The following ERC2 variants were observed in gnomAD, a reference collection of about 807,000 sequenced individuals.
ERC2 encodes the protein ERC protein 2.
In ERC2, 42 loss-of-function variants were observed where a neutral mutation model predicts 114.8. That is an observed-to-expected ratio of 0.37 (90% CI 0.29 to 0.47). ERC2 has a LOEUF of 0.47. Ranked by LOEUF, ERC2 falls within the 20% of genes least tolerant of loss-of-function variation. ERC2 has a pLI of 0.99. For synonymous variants in ERC2, 454 were observed against 425.5 expected (o/e 1.07, Z -0.82); for missense variants, 939 against 1,150.7 (o/e 0.82, Z 2.66).
chr3:55,758,741 T>G (rs1463112216), intron 14 of ERC2, among the ~76,000 whole-genome samples: 3 of 152,178 alleles, frequency 2.0e-5, no homozygotes, highest in Non-Finnish European at 4.4e-5. Flanking sequence ...TTATTACACA[T>G]TAAAAGCCAA....
At chr3:56,203,904 G>A (rs753041422) in intron 3 of ERC2, among the ~76,000 whole-genome samples, 6 of 152,166 alleles carry the variant, frequency 3.9e-5, no homozygotes, top group African/African-American at 1.4e-4. Flanking sequence ...CTAACAGGCC[G>A]GGCCTGGTGG....
At chr3:55,620,135 C>T (rs1378162474) in intron 17 of ERC2, among the ~76,000 whole-genome samples, 2 of 152,132 alleles carry the variant, frequency 1.3e-5, no homozygotes, top group Non-Finnish European at 2.9e-5. Context: ...CATTGACCAG[C>T]GAGTCCCCAG....
chr3:56,348,770 TTAG>T (rs2058408927), intron 2 of ERC2, among the ~76,000 whole-genome samples: 1 of 151,706 alleles, frequency 6.6e-6, no homozygotes, highest in Non-Finnish European at 1.5e-5. Context: ...AAACTATTTA[TTAG>T]TAGCCACCTA....
chr3:55,937,543 G>A lies in ERC2; in HGVS notation c.2403+12882C>T, dbSNP rs561764179. ...TCAAACCTCTCAGAGGGGAAGATAA[G>A]GTGCAGGGAAGGCTGCACCAGATGA... is the stretch of plus-strand genomic sequence containing the variant. On this transcript the variant is annotated intron_variant, in intron 13 of 17. Coordinates refer to ENST00000288221, the MANE Select transcript of ERC2 (RefSeq NM_015576.3). Among the ~76,000 whole-genome samples, 26 of 152,278 alleles carry A rather than the reference G, an allele frequency of 1.7e-4. No homozygotes were observed. The South Asian group carries it at 5.2e-3, about 30-fold the overall frequency.
intron 3 of ERC2, among the ~76,000 whole-genome samples, chr3:56,228,790 C>T (rs1365691744): frequency 6.6e-6 from 1 of 152,146 alleles, no homozygotes; most frequent in African/African-American, 2.4e-5. Flanking sequence ...GTACGTTATG[C>T]ATTTTTAAAA....
chr3:56,368,640 T>C (rs2059244923), intron 2 of ERC2, among the ~76,000 whole-genome samples: 1 of 152,184 alleles, frequency 6.6e-6, no homozygotes, highest in Non-Finnish European at 1.5e-5. Context: ...GGAAGGCCCA[T>C]GTGTTCAGGG....
At chr3:55,756,340 A>G (rs116094205) in intron 14 of ERC2, among the ~76,000 whole-genome samples, 2 of 152,286 alleles carry the variant, frequency 1.3e-5, no homozygotes, top group Non-Finnish European at 2.9e-5. Context: ...TGATGCTAAC[A>G]TGATCTTAGG....
At chr3:55,710,655 T>C (rs1315704278) in intron 15 of ERC2, among the ~76,000 whole-genome samples, 1 of 152,210 alleles carries the variant, frequency 6.6e-6, no homozygotes, top group Non-Finnish European at 1.5e-5. Flanking sequence ...TAAACTTGAA[T>C]CTGAACAAAA....
intron 2 of ERC2, among the ~76,000 whole-genome samples, chr3:56,336,420 A>T (rs2057850843): frequency 6.6e-6 from 1 of 152,184 alleles, no homozygotes; most frequent in Non-Finnish European, 1.5e-5. Context: ...AGTCTTTTTA[A>T]ACAATGCCTA....
At chr3:55,814,890 C>G (rs575633739) in intron 14 of ERC2, among the ~76,000 whole-genome samples, 31 of 152,318 alleles carry the variant, frequency 2.0e-4, no homozygotes, top group Non-Finnish European at 3.7e-4. Flanking sequence ...CTCTTTACCC[C>G]TCTGTCTGGT....
intron 3 of ERC2, among the ~76,000 whole-genome samples, chr3:56,202,534 A>G (rs1177732486): frequency 7.0e-6 from 1 of 143,272 alleles, no homozygotes; most frequent in Admixed American, 7.3e-5. Context: ...AGATGTATTT[A>G]TATGCGGCTT....
At chr3:55,564,695 C>G (rs1292070771) in intron 17 of ERC2, among the ~76,000 whole-genome samples, 3 of 152,224 alleles carry the variant, frequency 2.0e-5, no homozygotes, top group Admixed American at 6.5e-5. Context: ...GAAATATAAG[C>G]AGAGGGACTG....
chr3:56,408,118 G>T (rs79840803), intron 2 of ERC2, among the ~76,000 whole-genome samples: 4 of 152,284 alleles, frequency 2.6e-5, no homozygotes, highest in Non-Finnish European at 5.9e-5. Flanking sequence ...ACCAGCCCTT[G>T]TGAGACTCGG....
intron 3 of ERC2, among the ~76,000 whole-genome samples, chr3:56,257,159 G>A (rs690515): frequency 0.015 from 2,354 of 152,108 alleles, 21 homozygotes; most frequent in Non-Finnish European, 0.025. Context: ...TCTCTTCTAG[G>A]TTTTCGATTC....
At chr3:55,904,832 A>C (rs1026481724) in intron 13 of ERC2, among the ~76,000 whole-genome samples, 2 of 152,224 alleles carry the variant, frequency 1.3e-5, no homozygotes, top group Admixed American at 1.3e-4. Context: ...CAGAAAGAAA[A>C]GCATGACAGT....
At chr3:56,054,420 T>C (rs1040127651) in intron 7 of ERC2, among the ~76,000 whole-genome samples, 2 of 152,262 alleles carry the variant, frequency 1.3e-5, no homozygotes, top group African/African-American at 4.8e-5. Context: ...GAAGTCTAGA[T>C]GTGGAACATG....
chr3:55,862,348 G>A (rs931344337), intron 14 of ERC2, among the ~76,000 whole-genome samples: 4 of 152,088 alleles, frequency 2.6e-5, no homozygotes, highest in African/African-American at 4.8e-5. Context: ...CCTTGGAAGG[G>A]GGTGTCCCTT....
At chr3:55,542,499 A>ATC (rs1309456980) in intron 17 of ERC2, among the ~76,000 whole-genome samples, 25 of 152,114 alleles carry the variant, frequency 1.6e-4, no homozygotes, top group African/African-American at 6.0e-4. Context: ...ACCAAAACTC[A>ATC]TCTCTCTCTC....
intron 2 of ERC2, among the ~76,000 whole-genome samples, chr3:56,421,592 A>ATACAC (rs1340591668): frequency 1.5e-4 from 23 of 152,348 alleles, no homozygotes; most frequent in African/African-American, 5.1e-4. Context: ...GCTTTCCTTG[A>ATACAC]GTGCCGCTTT....
Sources: gnomAD v4.1 joint callset for allele counts (sites outside exome capture counted in the v4.1 genomes callset) on GRCh38, gnomAD v4.1.1 for gene constraint, MANE v1.5 for transcripts, NCBI Gene and HGNC (gene_info 2026-07-23, HGNC 2026-07-21) for gene names.